MCC: variants seen among roughly 807,000 people sequenced by gnomAD.
The protein encoded by MCC is colorectal mutant cancer protein.
MCC carries 90 observed loss-of-function variants against 116.2 expected under a neutral mutation model. That is an observed-to-expected ratio of 0.77 (90% CI 0.65 to 0.92). MCC has a LOEUF of 0.92. Among genes scored for constraint, MCC ranks in the 40% least tolerant of loss-of-function variants. The probability of loss-of-function intolerance (pLI) is 0.00; values close to 1 mark genes in which losing one functional copy is unlikely to be tolerated. For synonymous variants in MCC, 578 were observed against 510.5 expected, an observed-to-expected ratio of 1.13 and a Z score of -1.78; for missense variants, 1,516 against 1,312.2, an observed-to-expected ratio of 1.16 and a Z score of -2.40.
chr5:113,219,288 C>A lies in MCC; in HGVS notation c.628-67866G>T, dbSNP rs551952372. Among the ~76,000 whole-genome samples, 78 of 152,318 alleles carry A rather than the reference C, an allele frequency of 5.1e-4. 1 individual carries two copies. The highest frequency in any genetic ancestry group is 1.9e-3 in the African/African-American group (77 of 41,568). On this transcript the variant is annotated intron_variant, in intron 3 of 18. Coordinates refer to ENST00000408903, the MANE Select transcript of MCC (RefSeq NM_001085377.2). The stretch of plus-strand genomic sequence containing the variant: ...GGAGGTGCCGTGCAGTCTCTGTACA[C>A]AGGAAGGTTAAAGGAAACGGCCCTT...
intron 3 of MCC, among the ~76,000 whole-genome samples, chr5:113,198,301 C>A (rs1762515095): frequency 2.0e-5 from 3 of 152,262 alleles, no homozygotes; most frequent in Admixed American, 1.3e-4. Context: ...CACCTAACAC[C>A]TAGCAGGTGT....
intron 14 of MCC, among the ~76,000 whole-genome samples, chr5:113,063,638 G>C (rs538774942): frequency 4.6e-5 from 7 of 152,340 alleles, no homozygotes; most frequent in African/African-American, 1.7e-4. Context: ...GCTACCCTAA[G>C]TGCTTCCTGG....
intron 1 of MCC, among the ~76,000 whole-genome samples, chr5:113,406,849 T>C (rs1769848761): frequency 6.6e-6 from 1 of 152,150 alleles, no homozygotes; most frequent in Non-Finnish European, 1.5e-5. Context: ...TTTGCGTGGA[T>C]CTCCAAGAAG....
chr5:113,152,470 C>A (rs924071492), intron 3 of MCC, among the ~76,000 whole-genome samples: 2 of 152,222 alleles, frequency 1.3e-5, no homozygotes, highest in African/African-American at 4.8e-5. Flanking sequence ...AACAAACCAA[C>A]CCCTGGCTTT....
intron 5 of MCC, among the ~76,000 whole-genome samples, chr5:113,130,499 T>C (rs1475962275): frequency 1.3e-5 from 2 of 152,014 alleles, no homozygotes; most frequent in African/African-American, 2.4e-5. Context: ...AAAAAGGCAA[T>C]ATACCTTCTT....
At chr5:113,185,370 T>G (rs1227287758) in intron 3 of MCC, among the ~76,000 whole-genome samples, 1 of 152,108 alleles carries the variant, frequency 6.6e-6, no homozygotes, top group African/African-American at 2.4e-5. Flanking sequence ...CCATACAAAT[T>G]GTTCTGACCA....
At chr5:113,471,277 T>C (rs1432929681) in intron 1 of MCC, among the ~76,000 whole-genome samples, 1 of 152,236 alleles carries the variant, frequency 6.6e-6, no homozygotes, top group Admixed American at 6.5e-5. Context: ...CCAGTTTTTC[T>C]GCTCTGTTTT....
chr5:113,044,541 G>C lies in MCC; in HGVS notation c.2656-911C>G, dbSNP rs375463810. On this transcript the variant is annotated intron_variant, in intron 16 of 18. Transcript: ENST00000408903. ...GCAGACCTGAGAATAAAAAGCTTGT[G>C]ATCTGTTGCAGGAGATGGAATGTAA... The C allele has an allele frequency of 9.1e-5, 85 of 930,264 alleles. 1 individual carries two copies. In the East Asian group the frequency reaches 7.9e-3, roughly 86 times the overall value. The allele number at this position is 930,264 out of a possible 1,614,324, so 57.6% of individuals were successfully genotyped here.
At chr5:113,390,005 A>T (rs1339690005) in intron 1 of MCC, among the ~76,000 whole-genome samples, 2 of 152,206 alleles carry the variant, frequency 1.3e-5, no homozygotes, top group Non-Finnish European at 2.9e-5. Flanking sequence ...AGTTTTTCAG[A>T]GGAAGAGATA....
intron 11 of MCC, among the ~76,000 whole-genome samples, chr5:113,076,354 T>C (rs972491861): frequency 3.9e-5 from 6 of 152,030 alleles, no homozygotes; most frequent in African/African-American, 1.5e-4. Context: ...AGACACATAA[T>C]TGTCAGATTC....
intron 11 of MCC, among the ~76,000 whole-genome samples, chr5:113,077,097 G>C (rs1229231657): frequency 6.6e-6 from 1 of 152,140 alleles, no homozygotes; most frequent in Admixed American, 6.5e-5. Context: ...AATTCAACAA[G>C]AAGAGCTAAC....
chr5:113,077,309 AC>A (rs1754526216), intron 11 of MCC, among the ~76,000 whole-genome samples: 1 of 152,194 alleles, frequency 6.6e-6, no homozygotes, highest in Non-Finnish European at 1.5e-5. Context: ...AGCAGACCAA[AC>A]AGGCATCTAC....
intron 18 of MCC, 116 bp downstream of exon 18, chr5:113,028,818 G>C: frequency 7.9e-7 from 1 of 1,259,924 alleles, no homozygotes; most frequent in Non-Finnish European, 1.1e-6. Context: ...ACTTTCTAGA[G>C]TTAGTTCTTA....
intron 5 of MCC, among the ~76,000 whole-genome samples, chr5:113,128,336 T>C (rs1300534181): frequency 6.6e-6 from 1 of 152,246 alleles, no homozygotes; most frequent in African/African-American, 2.4e-5. Flanking sequence ...CCTGGTGTTT[T>C]TTGGGCGAAC....
rs1753740872 is a variant in MCC at position 113,067,996 on chromosome 5, A to T, written c.2029+84T>A. 4 of 1,200,124 alleles carry T rather than the reference A, an allele frequency of 3.3e-6. No individual in the cohort carries two copies. In the Admixed American group the frequency reaches 5.1e-5, roughly 15 times the overall value. 74.3% of individuals were successfully genotyped at this position (1,200,124 alleles called of 1,614,324 possible). On this transcript the variant is annotated intron_variant, in intron 13 of 18. Coordinates refer to ENST00000408903, the MANE Select transcript of MCC (RefSeq NM_001085377.2). ...CCAAATTTTGTGTTGTCGGGAGATG[A>T]TTCAATGCCAGTTGCTGAGACAGGG... is the stretch of plus-strand genomic sequence containing the variant.
At chr5:113,453,046 G>A (rs1771444694) in intron 1 of MCC, among the ~76,000 whole-genome samples, 1 of 152,210 alleles carries the variant, frequency 6.6e-6, no homozygotes, top group African/African-American at 2.4e-5. Context: ...GGTACTTGCT[G>A]ATTAATGTTA....
chr5:113,126,314 G>A (rs796945284), intron 5 of MCC, among the ~76,000 whole-genome samples: 3 of 152,272 alleles, frequency 2.0e-5, no homozygotes, highest in African/African-American at 7.2e-5. Context: ...TTTAAAGACT[G>A]TTTTAGCCAG....
At chr5:113,395,707 C>T (rs796602153) in intron 1 of MCC, among the ~76,000 whole-genome samples, 2 of 152,194 alleles carry the variant, frequency 1.3e-5, no homozygotes, top group African/African-American at 2.4e-5. Context: ...TTGATTGAGA[C>T]CTGTCTCAGA....
chr5:113,424,110 C>T (rs182493260), intron 1 of MCC, among the ~76,000 whole-genome samples: 1 of 144,956 alleles, frequency 6.9e-6, no homozygotes, highest in East Asian at 2.0e-4. Context: ...CGGTTAATCC[C>T]ACTGGTCAAA....
Sources: allele counts gnomAD v4.1 joint callset (sites outside exome capture counted in the v4.1 genomes callset), GRCh38; gene constraint gnomAD v4.1.1; transcripts MANE v1.5; gene names NCBI Gene and HGNC (gene_info 2026-07-23, HGNC 2026-07-21).